HIVEP3: variants seen among roughly 807,000 people sequenced by gnomAD.
HIVEP3 encodes transcription factor HIVEP3.
In HIVEP3, 49 loss-of-function variants were observed where a neutral mutation model predicts 152.8. The observed-to-expected ratio is 0.32, with a 90% CI of 0.26 to 0.41. The LOEUF is 0.41. Ranked by LOEUF, HIVEP3 falls within the 10% of genes least tolerant of loss-of-function variation. HIVEP3 has a pLI of 1.00. For missense variants in HIVEP3, 2,790 were observed against 3,103.3 expected, an observed-to-expected ratio of 0.90 and a Z score of 2.40; for synonymous variants, 1,269 against 1,289.0, an observed-to-expected ratio of 0.98 and a Z score of 0.33.
At chr1:41,749,955 C>A (rs572902085) in intron 1 of HIVEP3, among the ~76,000 whole-genome samples, 2 of 152,278 alleles carry the variant, frequency 1.3e-5, no homozygotes, top group African/African-American at 4.8e-5. Context: ...AAAATTGAAA[C>A]AAAACCCTGG....
intron 1 of HIVEP3, among the ~76,000 whole-genome samples, chr1:42,000,922 C>A (rs1030415146): frequency 6.6e-6 from 1 of 152,222 alleles, no homozygotes; most frequent in Non-Finnish European, 1.5e-5. Flanking sequence ...ATGGAACAAG[C>A]ATCCATATGG....
chr1:41,994,650 C>T (rs972048579), intron 1 of HIVEP3, among the ~76,000 whole-genome samples: 2 of 152,176 alleles, frequency 1.3e-5, no homozygotes, highest in African/African-American at 2.4e-5. Context: ...GGCCTCCCAG[C>T]CATGCTTCCT....
At chr1:41,953,245 T>C (rs1380362728) in intron 1 of HIVEP3, among the ~76,000 whole-genome samples, 1 of 152,234 alleles carries the variant, frequency 6.6e-6, no homozygotes, top group Non-Finnish European at 1.5e-5. Context: ...TGTGCTGTGA[T>C]TATGAGGGAG....
intron 1 of HIVEP3, among the ~76,000 whole-genome samples, chr1:41,802,699 T>G (rs1253995884): frequency 6.6e-6 from 1 of 152,166 alleles, no homozygotes; most frequent in Non-Finnish European, 1.5e-5. Flanking sequence ...GGGAATGACA[T>G]GTAACAATTA....
chr1:41,547,959 G>A (rs529381382), intron 5 of HIVEP3, among the ~76,000 whole-genome samples: 4 of 152,074 alleles, frequency 2.6e-5, no homozygotes, highest in Non-Finnish European at 4.4e-5. Flanking sequence ...TTTCCTGCAC[G>A]GTGCTAATGC....
At chr1:41,779,490 C>CTTTT (rs1648908780) in intron 1 of HIVEP3, among the ~76,000 whole-genome samples, 1 of 152,228 alleles carries the variant, frequency 6.6e-6, no homozygotes, top group South Asian at 2.1e-4. Flanking sequence ...GAAGCCCCTT[C>CTTTT]TTTTTCTTTT....
At chr1:41,674,201 GC>G (rs1645919943) in intron 2 of HIVEP3, among the ~76,000 whole-genome samples, 1 of 152,222 alleles carries the variant, frequency 6.6e-6, no homozygotes, top group Admixed American at 6.5e-5. Flanking sequence ...GGTCTCCAAT[GC>G]CCAGTCCAGT....
At position 41,592,847 on chromosome 1, in the gene HIVEP3, A is replaced by G. The variant is rs369981774; in HGVS notation, c.-521-7529T>C. Reference sequence around the variant, plus strand: ...CAATCAGGGGGTTCTGTGCAGAGAAAACTACCCCTGCCCAGGGATCCGCAT... The same window carrying G: ...CAATCAGGGGGTTCTGTGCAGAGAAGACTACCCCTGCCCAGGGATCCGCAT... On this transcript the variant is annotated intron_variant, in intron 3 of 8. Transcript: ENST00000372583. Among the ~76,000 whole-genome samples the G allele has an allele frequency of 9.2e-5, 14 of 152,232 alleles. No homozygotes were observed. The East Asian group carries it at 2.1e-3, about 23-fold the overall frequency.
intron 1 of HIVEP3, among the ~76,000 whole-genome samples, chr1:41,775,230 T>A (rs994311296): frequency 3.3e-5 from 5 of 152,198 alleles, no homozygotes; most frequent in African/African-American, 9.6e-5. Flanking sequence ...CATCATATTC[T>A]GGATACAAGA....
intron 1 of HIVEP3, among the ~76,000 whole-genome samples, chr1:41,984,200 T>C (rs1273446685): frequency 6.6e-6 from 1 of 152,232 alleles, no homozygotes. Flanking sequence ...CTTGAATTCC[T>C]GGCCTTAAGT....
At position 41,954,054 on chromosome 1, in the gene HIVEP3, C is replaced by T. The variant is rs184642413; in HGVS notation, n.120-35530G>A. ...GAAGACCCTCAGATGGCAGACCACC[C>T]GAGGTGACACATCTAAAAGGACTGC... On this transcript the variant is annotated intron_variant and non_coding_transcript_variant, in intron 1 of 3. Transcript: ENST00000489103. Among the ~76,000 whole-genome samples, 685 of 152,214 alleles carry T rather than the reference C, an allele frequency of 4.5e-3. 4 individuals are homozygous for T. The highest frequency in any genetic ancestry group is 6.6e-3 in the Non-Finnish European group (449 of 67,994).
At chr1:41,607,496 G>A (rs896655295) in intron 3 of HIVEP3, among the ~76,000 whole-genome samples, 1 of 152,144 alleles carries the variant, frequency 6.6e-6, no homozygotes, top group Non-Finnish European at 1.5e-5. Context: ...TTACAGAGGT[G>A]AATGAAAGAA....
chr1:41,651,845 T>A (rs1269778211), intron 2 of HIVEP3, among the ~76,000 whole-genome samples: 1 of 152,244 alleles, frequency 6.6e-6, no homozygotes, highest in Non-Finnish European at 1.5e-5. Context: ...TTTGGTTTTT[T>A]AGTGGCTAGA....
intron 2 of HIVEP3, among the ~76,000 whole-genome samples, chr1:41,674,290 C>T (rs1434178728): frequency 6.6e-6 from 1 of 152,252 alleles, no homozygotes; most frequent in Non-Finnish European, 1.5e-5. Flanking sequence ...ACTACATCCT[C>T]CCCTTCTCTT....
At chr1:41,637,656 G>A (rs568100297) in intron 2 of HIVEP3, among the ~76,000 whole-genome samples, 19 of 152,330 alleles carry the variant, frequency 1.2e-4, no homozygotes, top group African/African-American at 1.9e-4. Flanking sequence ...TAGCTGTGAC[G>A]GATGGAAAGG....
At chr1:41,780,076 C>A (rs1322777785) in intron 1 of HIVEP3, among the ~76,000 whole-genome samples, 1 of 152,162 alleles carries the variant, frequency 6.6e-6, no homozygotes, top group Non-Finnish European at 1.5e-5. Context: ...ATGGGAAGAA[C>A]CAACCTTGCT....
At chr1:41,763,287 G>A (rs1647808086) in intron 1 of HIVEP3, among the ~76,000 whole-genome samples, 1 of 152,216 alleles carries the variant, frequency 6.6e-6, no homozygotes, top group South Asian at 2.1e-4. Context: ...CAACTGAAGA[G>A]AGCCTGGAAT....
intron 1 of HIVEP3, among the ~76,000 whole-genome samples, chr1:41,818,084 C>T (rs924687973): frequency 6.6e-6 from 1 of 152,118 alleles, no homozygotes; most frequent in Non-Finnish European, 1.5e-5. Flanking sequence ...AACATACCAT[C>T]AATTTCTAGA....
At chr1:41,787,735 A>G (rs1040254727) in intron 1 of HIVEP3, among the ~76,000 whole-genome samples, 11 of 151,278 alleles carry the variant, frequency 7.3e-5, no homozygotes, top group African/African-American at 2.7e-4. Flanking sequence ...AGAGAAAACT[A>G]TGTTGCCTAG....
Sources: gnomAD v4.1 joint callset for allele counts (sites outside exome capture counted in the v4.1 genomes callset) on GRCh38, gnomAD v4.1.1 for gene constraint, MANE v1.5 for transcripts, NCBI Gene and HGNC (gene_info 2026-07-23, HGNC 2026-07-21) for gene names.